Variants in PDE1A observed in about 807,000 individuals in gnomAD.
PDE1A encodes phosphodiesterase 1A, also known as dual specificity calcium/calmodulin-dependent 3',5'-cyclic nucleotide phosphodiesterase 1A.
Under a neutral mutation model 61.7 loss-of-function variants are expected in PDE1A, and 35 were observed. The ratio of observed to expected loss-of-function variants is 0.57; its 90% CI spans 0.43 to 0.75. The LOEUF (loss-of-function observed/expected upper bound fraction) is 0.75, where lower values mean the gene tolerates loss of function less well. Among genes scored for constraint, PDE1A ranks in the 30% least tolerant of loss-of-function variants. The pLI is 0.00. For missense variants in PDE1A, 597 were observed against 630.6 expected (o/e 0.95, Z 0.57); for synonymous variants, 232 against 213.2 (o/e 1.09, Z -0.77).
intron 2 of PDE1A, among the ~76,000 whole-genome samples, chr2:182,498,830 G>C (rs1688891288): frequency 6.6e-6 from 1 of 151,988 alleles, no homozygotes. Flanking sequence ...TGTAGTCCCA[G>C]CTACTTGGGA....
the PDE1A span, among the ~76,000 whole-genome samples, chr2:182,633,471 G>A: frequency 2.8e-4 from 42 of 152,220 alleles, no homozygotes; most frequent in African/African-American, 9.9e-4. Context: ...CTGGTGTTAT[G>A]TCCAATTATC....
chr2:182,532,957 AAAAAAAAAAAAAAAAAC>A, the PDE1A span, among the ~76,000 whole-genome samples: 1 of 149,210 alleles, frequency 6.7e-6, no homozygotes, highest in Non-Finnish European at 1.5e-5. Context: ...AAAAAAAAAA[AAAAAAAAAAAAAAAAAC>A]AATGAATTTT....
At position 182,396,025 on chromosome 2, in the gene PDE1A, C is replaced by T. The variant is rs373756820; in HGVS notation, c.53+30553G>A. Among the ~76,000 whole-genome samples, 154 of 152,270 alleles carry T rather than the reference C, an allele frequency of 1.0e-3. No individual in the cohort carries two copies. In the South Asian group the frequency reaches 0.014, roughly 14 times the overall value. On this transcript the variant is annotated intron_variant, in intron 1 of 13. Coordinates refer to ENST00000351439, the Ensembl canonical transcript of PDE1A. ...TCATCAAATGGAAGTGGTATATACG[C>T]GATCAGGCTTGAGCAGGTCCTGAAG...
chr2:182,327,913 G>A (rs1697150836), intron 1 of PDE1A, among the ~76,000 whole-genome samples: 1 of 152,186 alleles, frequency 6.6e-6, no homozygotes, highest in African/African-American at 2.4e-5. Flanking sequence ...AAGAGAGGGA[G>A]CGATGTCTGG....
At chr2:182,691,353 C>CA in the PDE1A span, among the ~76,000 whole-genome samples, 139 of 152,230 alleles carry the variant, frequency 9.1e-4, 4 homozygotes, top group African/African-American at 3.3e-3. Flanking sequence ...TGGAACAGAA[C>CA]AAAGCCCTCA....
At chr2:182,467,789 G>C (rs1020822792) in intron 2 of PDE1A, among the ~76,000 whole-genome samples, 2 of 151,878 alleles carry the variant, frequency 1.3e-5, no homozygotes, top group African/African-American at 4.8e-5. Context: ...TGAACAAAGA[G>C]AGAAAACCAT....
intron 1 of PDE1A, among the ~76,000 whole-genome samples, chr2:182,282,082 G>T (rs1693848047): frequency 6.6e-6 from 1 of 151,836 alleles, no homozygotes; most frequent in South Asian, 2.1e-4. Context: ...ATCTTGATAT[G>T]GGAGTAGGCC....
intron 1 of PDE1A, among the ~76,000 whole-genome samples, chr2:182,387,788 A>G (rs1701202037): frequency 6.6e-6 from 1 of 152,078 alleles, no homozygotes; most frequent in Admixed American, 6.5e-5. Flanking sequence ...AAAGAAAGAA[A>G]GAATCACTCT....
At chr2:182,456,009 A>T (rs1434931755) in intron 2 of PDE1A, among the ~76,000 whole-genome samples, 1 of 152,082 alleles carries the variant, frequency 6.6e-6, no homozygotes, top group Non-Finnish European at 1.5e-5. Flanking sequence ...TTTTCAACAC[A>T]TTAAACTTAT....
At chr2:182,572,684 C>T in the PDE1A span, among the ~76,000 whole-genome samples, 7 of 151,970 alleles carry the variant, frequency 4.6e-5, no homozygotes, top group Non-Finnish European at 7.4e-5. Context: ...TCCTGGCTAA[C>T]ACCATGAAAC....
chr2:182,328,646 C>T (rs1040788488), intron 1 of PDE1A, among the ~76,000 whole-genome samples: 12 of 152,014 alleles, frequency 7.9e-5, no homozygotes, highest in South Asian at 4.2e-4. Flanking sequence ...GGAAGGGGTA[C>T]GGTTATTAGG....
At chr2:182,150,755 C>G (rs918508832) in intron 13 of PDE1A, among the ~76,000 whole-genome samples, 2 of 152,128 alleles carry the variant, frequency 1.3e-5, no homozygotes, top group African/African-American at 4.8e-5. Flanking sequence ...CTTACCAAAA[C>G]CAACAGAAAT....
chr2:182,422,030 A>G (rs1032750640), intron 1 of PDE1A, among the ~76,000 whole-genome samples: 1 of 152,200 alleles, frequency 6.6e-6, no homozygotes, highest in African/African-American at 2.4e-5. Context: ...GAGAAGACGT[A>G]AAGAGAAGAA....
chr2:182,264,455 T>A, intron 1 of PDE1A, 41 bp from the exon 2 acceptor site: 1 of 1,430,254 alleles, frequency 7.0e-7, no homozygotes, highest in Non-Finnish European at 9.8e-7. Context: ...GAGCAAGGAA[T>A]TTATTGTAAC....
At chr2:182,657,846 C>T in the PDE1A span, among the ~76,000 whole-genome samples, 1 of 151,826 alleles carries the variant, frequency 6.6e-6, no homozygotes, top group Non-Finnish European at 1.5e-5. Flanking sequence ...AGATCATCAG[C>T]AATAATGTGT....
chr2:182,576,713 T>C, the PDE1A span, among the ~76,000 whole-genome samples: 2 of 152,212 alleles, frequency 1.3e-5, no homozygotes, highest in African/African-American at 2.4e-5. Context: ...TTTCTCTAAA[T>C]CTTGCCAAAA....
chr2:182,376,805 A>C (rs993066746), intron 1 of PDE1A, among the ~76,000 whole-genome samples: 2 of 152,250 alleles, frequency 1.3e-5, no homozygotes, highest in Non-Finnish European at 2.9e-5. Context: ...GGGAAGCCTC[A>C]AAATCATGAC....
At chr2:182,443,540 C>T (rs1364264262) in intron 2 of PDE1A, among the ~76,000 whole-genome samples, 1 of 151,800 alleles carries the variant, frequency 6.6e-6, no homozygotes, top group African/African-American at 2.4e-5. Flanking sequence ...TGTGACACTT[C>T]CTCCTTTGCT....
At chr2:182,488,714 C>T (rs544529986) in intron 2 of PDE1A, among the ~76,000 whole-genome samples, 2 of 152,254 alleles carry the variant, frequency 1.3e-5, no homozygotes, top group South Asian at 4.1e-4. Flanking sequence ...AATTTGCCCA[C>T]CAAATTATCA....
Sources: gnomAD v4.1 joint callset for allele counts (sites outside exome capture counted in the v4.1 genomes callset) on GRCh38, gnomAD v4.1.1 for gene constraint, MANE v1.5 for transcripts, NCBI Gene and HGNC (gene_info 2026-07-23, HGNC 2026-07-21) for gene names.